Variants in ATG5 observed in about 807,000 individuals in gnomAD.
ATG5 encodes autophagy related 5, also known as autophagy protein 5.
In ATG5, 14 loss-of-function variants were observed where a neutral mutation model predicts 36.5. The ratio of observed to expected loss-of-function variants is 0.38; its 90% CI spans 0.25 to 0.60. ATG5 has a LOEUF of 0.60. Ranked by LOEUF, ATG5 falls within the 20% of genes least tolerant of loss-of-function variation. The pLI is 0.60. For missense variants in ATG5, 195 were observed against 326.7 expected (o/e 0.60, Z 3.11); for synonymous variants, 95 against 101.5 (o/e 0.94, Z 0.38).
intron 3 of ATG5, among the ~76,000 whole-genome samples, chr6:106,294,351 G>A (rs1212967787): frequency 6.6e-6 from 1 of 151,880 alleles, no homozygotes; most frequent in Non-Finnish European, 1.5e-5. Context: ...GCTACTCTGG[G>A]CACGATGCTT....
intron 6 of ATG5, among the ~76,000 whole-genome samples, chr6:106,216,121 T>C (rs1042543561): frequency 1.3e-5 from 2 of 152,174 alleles, no homozygotes; most frequent in Non-Finnish European, 2.9e-5. Flanking sequence ...TGTGGACAAA[T>C]TGGAACCCTC....
chr6:106,246,396 A>T (rs200886825), intron 6 of ATG5, among the ~76,000 whole-genome samples: 6,633 of 54,352 alleles, frequency 0.12, 222 homozygotes, highest in African/African-American at 0.24. Context: ...TCTCTCTCAC[A>T]CACACACACA....
chr6:106,293,410 C>T (rs1262037843), intron 3 of ATG5, among the ~76,000 whole-genome samples: 5 of 152,166 alleles, frequency 3.3e-5, no homozygotes, highest in Non-Finnish European at 7.4e-5. Flanking sequence ...ATCTAATTGT[C>T]ATCCCTGTAT....
chr6:106,308,744 C>T (rs996080763), intron 2 of ATG5, among the ~76,000 whole-genome samples: 1 of 152,142 alleles, frequency 6.6e-6, no homozygotes, highest in Non-Finnish European at 1.5e-5. Context: ...AATCTATCTA[C>T]AATCTTCCTA....
At chr6:106,295,564 ATTT>A (rs71549459) in intron 3 of ATG5, among the ~76,000 whole-genome samples, 5 of 142,174 alleles carry the variant, frequency 3.5e-5, no homozygotes, top group Admixed American at 7.0e-5. Context: ...AAATCAAGTA[ATTT>A]TTTTTTTTTT....
At chr6:106,291,529 A>C (rs1282539291) in intron 4 of ATG5, among the ~76,000 whole-genome samples, 1 of 152,224 alleles carries the variant, frequency 6.6e-6, no homozygotes, top group African/African-American at 2.4e-5. Context: ...AACCCGACAC[A>C]CAGAAGGATC....
intron 7 of ATG5, among the ~76,000 whole-genome samples, chr6:106,193,012 C>A (rs1776028735): frequency 6.6e-6 from 1 of 152,132 alleles, no homozygotes; most frequent in African/African-American, 2.4e-5. Context: ...TTAAACCAAG[C>A]CAGGATATAG....
At chr6:106,201,859 T>C (rs1776443562) in intron 7 of ATG5, 113 bp downstream of exon 7, 1 of 724,212 alleles carries the variant, frequency 1.4e-6, no homozygotes, top group Non-Finnish European at 2.2e-6. Context: ...CTTTTCGCTG[T>C]AAGATATGAA....
intron 6 of ATG5, among the ~76,000 whole-genome samples, chr6:106,243,674 T>C (rs1778214103): frequency 1.3e-5 from 2 of 151,572 alleles, no homozygotes; most frequent in Non-Finnish European, 2.9e-5. Flanking sequence ...CTACTAAAAA[T>C]ACAAAAATTA....
chr6:106,286,920 C>A (rs1331213255), intron 4 of ATG5, among the ~76,000 whole-genome samples: 3 of 152,188 alleles, frequency 2.0e-5, no homozygotes, highest in Admixed American at 6.5e-5. Context: ...CGCAGCCCAG[C>A]CAACACCCTG....
At chr6:106,305,999 CAT>C (rs1491289160) in intron 3 of ATG5, among the ~76,000 whole-genome samples, 2 of 152,142 alleles carry the variant, frequency 1.3e-5, no homozygotes, top group African/African-American at 2.4e-5. Context: ...CATCAAAAGT[CAT>C]ATAGCTACAA....
intron 6 of ATG5, among the ~76,000 whole-genome samples, chr6:106,203,549 C>T (rs1776518994): frequency 1.3e-5 from 2 of 152,152 alleles, no homozygotes; most frequent in Admixed American, 6.5e-5. Flanking sequence ...TTTAAGCTTT[C>T]TGAGATGAAA....
chr6:106,289,212 A>C (rs1034178231), intron 4 of ATG5, among the ~76,000 whole-genome samples: 28 of 152,306 alleles, frequency 1.8e-4, no homozygotes, highest in African/African-American at 6.5e-4. Flanking sequence ...CCTCACTAAA[A>C]GCATTGATTT....
chr6:106,281,577 T>A (rs959415006), intron 4 of ATG5, among the ~76,000 whole-genome samples: 5 of 152,224 alleles, frequency 3.3e-5, no homozygotes, highest in African/African-American at 1.2e-4. Flanking sequence ...TCTAAAAACT[T>A]GTTAATAGAC....
At chr6:106,292,941 A>G in intron 4 of ATG5, 87 bp downstream of exon 4, 2 of 1,062,456 alleles carry the variant, frequency 1.9e-6, no homozygotes, top group Non-Finnish European at 2.8e-6. Flanking sequence ...AAAGCAATAA[A>G]TAACTTCACT....
rs765342023 is a variant in ATG5, at chr6:106,198,455, A to C, written c.691+3517T>G. 6.1e-4 allele frequency among the ~76,000 whole-genome samples: 93 copies of C among 152,208 alleles called. 2 individuals carry two copies. Among genetic ancestry groups the C allele is most frequent in the Admixed American group, 2.6e-4 (4 of 15,280 alleles). On this transcript the variant is annotated intron_variant, in intron 7 of 7. Coordinates refer to ENST00000369076, the MANE Select transcript of ATG5 (RefSeq NM_004849.4). ...AAACTTGATAGACAGGAATTCACCAAAATTAAATGCTTTTATCCTTCAAAA... is the reference window on the plus strand; with the variant it reads ...AAACTTGATAGACAGGAATTCACCACAATTAAATGCTTTTATCCTTCAAAA...
intron 6 of ATG5, among the ~76,000 whole-genome samples, chr6:106,212,593 C>T (rs1407212163): frequency 5.9e-5 from 9 of 152,120 alleles, no homozygotes; most frequent in East Asian, 3.9e-4. Flanking sequence ...GAGCTGACAC[C>T]GTCCCACTGC....
intron 1 of ATG5, among the ~76,000 whole-genome samples, chr6:106,317,039 C>T (rs1354039661): frequency 2.0e-5 from 3 of 152,138 alleles, no homozygotes; most frequent in African/African-American, 4.8e-5. Context: ...ATTCTCTATA[C>T]CACAAATATA....
intron 6 of ATG5, among the ~76,000 whole-genome samples, chr6:106,216,893 A>G (rs1777060167): frequency 6.6e-6 from 1 of 152,104 alleles, no homozygotes; most frequent in South Asian, 2.1e-4. Flanking sequence ...CTCTAAATAA[A>G]TAAACAAATA....
Sources: gnomAD v4.1 joint callset for allele counts (sites outside exome capture counted in the v4.1 genomes callset) on GRCh38, gnomAD v4.1.1 for gene constraint, MANE v1.5 for transcripts, NCBI Gene and HGNC (gene_info 2026-07-23, HGNC 2026-07-21) for gene names.